Variants in MEI4 observed in about 807,000 individuals in gnomAD.
The protein encoded by MEI4 is meiosis-specific protein MEI4.
Under a neutral mutation model 31.4 loss-of-function variants are expected in MEI4, and 27 were observed. That is an observed-to-expected ratio of 0.86 (90% CI 0.63 to 1.19). MEI4 has a LOEUF of 1.19. Ranked by LOEUF, MEI4 falls within the 50% of genes most tolerant of loss-of-function variation. The pLI is 0.00. For missense variants in MEI4, 329 were observed against 398.9 expected, an observed-to-expected ratio of 0.82 and a Z score of 1.49; for synonymous variants, 122 against 145.4, an observed-to-expected ratio of 0.84 and a Z score of 1.16.
intron 3 of MEI4, among the ~76,000 whole-genome samples, chr6:77,789,487 A>G (rs993700512): frequency 6.6e-6 from 1 of 152,214 alleles, no homozygotes; most frequent in East Asian, 1.9e-4. Flanking sequence ...AATGGGAGAA[A>G]ATTTTTGCAA....
chr6:77,814,187 T>C (rs1008663965), intron 3 of MEI4, among the ~76,000 whole-genome samples: 13 of 152,048 alleles, frequency 8.5e-5, no homozygotes, highest in South Asian at 2.1e-4. Flanking sequence ...GATTTTGATA[T>C]AGGGTTTCGG....
intron 1 of MEI4, among the ~76,000 whole-genome samples, chr6:77,678,335 A>G (rs1768883365): frequency 6.6e-6 from 1 of 152,092 alleles, no homozygotes. Flanking sequence ...GACTGTCATG[A>G]ATTTGTTTGG....
intron 1 of MEI4, among the ~76,000 whole-genome samples, chr6:77,659,642 A>T (rs886662268): frequency 6.6e-6 from 1 of 152,126 alleles, no homozygotes; most frequent in Non-Finnish European, 1.5e-5. Context: ...GAGCAAGGGG[A>T]AGGTAGCCAA....
At chr6:77,735,453 C>T (rs1338510945) in intron 2 of MEI4, among the ~76,000 whole-genome samples, 5 of 152,046 alleles carry the variant, frequency 3.3e-5, no homozygotes, top group African/African-American at 7.3e-5. Flanking sequence ...GCATTCTTCA[C>T]GTAGTTCTCG....
intron 1 of MEI4, among the ~76,000 whole-genome samples, chr6:77,668,834 A>G (rs1007940283): frequency 3.8e-4 from 58 of 152,354 alleles, no homozygotes; most frequent in African/African-American, 1.4e-3. Flanking sequence ...TCTAAGAGCA[A>G]TGAGCATCCC....
chr6:77,868,352 T>C (rs1771103821), intron 4 of MEI4, among the ~76,000 whole-genome samples: 1 of 151,338 alleles, frequency 6.6e-6, no homozygotes, highest in South Asian at 2.1e-4. Flanking sequence ...TGAAAAATTA[T>C]GCAAGTAAAT....
In MEI4 at chr6:77,735,584, C is replaced by T. The variant is rs1202531484; in HGVS notation, c.233-25546C>T. Among the ~76,000 whole-genome samples, 5 of 152,128 alleles carry T rather than the reference C, an allele frequency of 3.3e-5. No individual in the cohort carries two copies. The East Asian group carries it at 9.7e-4, about 29-fold the overall frequency. On this transcript the variant is annotated intron_variant, in intron 2 of 4. Transcript: ENST00000684080. ...CTTCTTTGCCTTCGGTTTGAATGTC[C>T]TCCCGTAGCTCGGAGTAATTTGATT...
chr6:77,712,428 A>G lies in MEI4; in HGVS notation c.232+21525A>G, dbSNP rs144288994. On this transcript the variant is annotated intron_variant, in intron 2 of 4. Transcript: ENST00000684080. Reference sequence around the variant, plus strand: ...TATTTAAAGAAAGTAGTAGACACATAACTTTATGGCATGAATATCATGAAT... The same window carrying G: ...TATTTAAAGAAAGTAGTAGACACATGACTTTATGGCATGAATATCATGAAT... 2.6e-5 allele frequency among the ~76,000 whole-genome samples: 4 copies of G among 152,294 alleles called. No homozygotes were observed. In the East Asian group the frequency reaches 7.7e-4, roughly 29 times the overall value.
intron 4 of MEI4, among the ~76,000 whole-genome samples, chr6:77,857,152 T>G (rs1037634665): frequency 2.0e-5 from 3 of 152,304 alleles, no homozygotes. Context: ...TTGGCAACTT[T>G]GAACTAATGT....
intron 3 of MEI4, among the ~76,000 whole-genome samples, chr6:77,811,642 G>GCGGC (rs1561998652): frequency 3.9e-5 from 6 of 151,976 alleles, no homozygotes; most frequent in African/African-American, 9.7e-5. Context: ...GGGTGTGGTG[G>GCGGC]TGGACACCTT....
chr6:77,650,598 C>T (rs570702169), upstream of MEI4, among the ~76,000 whole-genome samples: 1 of 152,256 alleles, frequency 6.6e-6, no homozygotes, highest in Admixed American at 6.5e-5. Context: ...GGGCCCTGCA[C>T]AGCTTTCCAG....
At chr6:77,853,827 T>C (rs918342987) in intron 4 of MEI4, among the ~76,000 whole-genome samples, 5 of 152,182 alleles carry the variant, frequency 3.3e-5, no homozygotes, top group African/African-American at 1.2e-4. Flanking sequence ...ACGTTAGAGA[T>C]CTGTTTTTGA....
intron 4 of MEI4, among the ~76,000 whole-genome samples, chr6:77,884,246 G>T (rs1279933669): frequency 6.6e-6 from 1 of 152,024 alleles, no homozygotes; most frequent in African/African-American, 2.4e-5. Flanking sequence ...GTATATTCTG[G>T]ATATTAGTTC....
At chr6:77,695,592 T>C (rs899901891) in intron 2 of MEI4, among the ~76,000 whole-genome samples, 27 of 152,198 alleles carry the variant, frequency 1.8e-4, no homozygotes, top group African/African-American at 3.9e-4. Flanking sequence ...GGCATTATTT[T>C]TGAGGGCTCT....
chr6:77,827,638 A>G (rs1441171781), intron 3 of MEI4, among the ~76,000 whole-genome samples: 1 of 152,172 alleles, frequency 6.6e-6, no homozygotes, highest in Non-Finnish European at 1.5e-5. Context: ...GATGTGAAAG[A>G]AAAAGATTAT....
intron 1 of MEI4, among the ~76,000 whole-genome samples, chr6:77,678,733 A>G (rs996780628): frequency 2.0e-5 from 3 of 151,114 alleles, no homozygotes; most frequent in Admixed American, 1.3e-4. Context: ...AAAAAAAAAG[A>G]TAATTGCAAA....
intron 4 of MEI4, among the ~76,000 whole-genome samples, chr6:77,898,037 AT>A (rs1185407786): frequency 6.6e-6 from 1 of 152,058 alleles, no homozygotes. Flanking sequence ...GTATGTAAGT[AT>A]GTATATAACT....
chr6:77,733,260 A>G (rs910241226), intron 2 of MEI4, among the ~76,000 whole-genome samples: 7 of 151,320 alleles, frequency 4.6e-5, no homozygotes, highest in African/African-American at 1.7e-4. Flanking sequence ...CTGATCCTGG[A>G]CTCTTTTTGG....
At chr6:77,739,253 T>G (rs1389416398) in intron 2 of MEI4, among the ~76,000 whole-genome samples, 1 of 152,200 alleles carries the variant, frequency 6.6e-6, no homozygotes, top group African/African-American at 2.4e-5. Flanking sequence ...TGAGTTAATT[T>G]TTTGTGTTAG....
Sources: gnomAD v4.1 joint callset for allele counts (sites outside exome capture counted in the v4.1 genomes callset) on GRCh38, gnomAD v4.1.1 for gene constraint, MANE v1.5 for transcripts, NCBI Gene and HGNC (gene_info 2026-07-23, HGNC 2026-07-21) for gene names.